The following GPC3 variants were observed in gnomAD, a reference collection of about 807,000 sequenced individuals.
The protein encoded by GPC3 is glypican 3.
Under a neutral mutation model 34.4 loss-of-function variants are expected in GPC3, and 3 were observed. That is an observed-to-expected ratio of 0.09 (90% confidence interval 0.04 to 0.23). GPC3 has a LOEUF of 0.23. GPC3 is among the 10% of genes least tolerant of loss of function. The pLI is 1.00. For synonymous variants in GPC3, 177 were observed against 174.0 expected, an observed-to-expected ratio of 1.02 and a Z score of -0.13; for missense variants, 351 against 445.6, an observed-to-expected ratio of 0.79 and a Z score of 1.91.
chrX:133,656,336 G>C (rs2070664139), intron 6 of GPC3, among the ~76,000 whole-genome samples: 2 of 112,059 alleles, frequency 1.8e-5, no homozygotes, highest in Non-Finnish European at 3.8e-5. Context: ...CTTCCTAATA[G>C]GTGTGCCATG....
At chrX:133,885,967 G>T (rs1451600574) in intron 2 of GPC3, among the ~76,000 whole-genome samples, 2 of 111,107 alleles carry the variant, frequency 1.8e-5, no homozygotes, top group East Asian at 5.6e-4. Flanking sequence ...AAAAGAACAG[G>T]AATTGTCTCC....
intron 6 of GPC3, among the ~76,000 whole-genome samples, chrX:133,644,863 C>T (rs1237087974): frequency 7.2e-5 from 8 of 110,896 alleles, no homozygotes; most frequent in Non-Finnish European, 1.5e-4. Flanking sequence ...TCACTGCAAC[C>T]TCCGCCTCCC....
At chrX:133,700,075 G>A (rs1473655787) in intron 3 of GPC3, 47 bp from the exon 4 acceptor site, 2 of 1,033,645 alleles carry the variant, frequency 1.9e-6, no homozygotes, top group Admixed American at 4.5e-5. Context: ...GTGCAGATAT[G>A]ATAGTAGAAA....
intron 2 of GPC3, among the ~76,000 whole-genome samples, chrX:133,794,217 C>G (rs1422518988): frequency 8.9e-6 from 1 of 111,932 alleles, no homozygotes; most frequent in Non-Finnish European, 1.9e-5. Flanking sequence ...CACCAGTAAG[C>G]AATGCTTGGT....
intron 3 of GPC3, among the ~76,000 whole-genome samples, chrX:133,728,766 T>C: frequency 8.9e-6 from 1 of 112,347 alleles, no homozygotes; most frequent in East Asian, 2.8e-4. Context: ...AAATATAACC[T>C]GAGTCTTGAA....
At chrX:133,609,654 T>C (rs115516959) in intron 6 of GPC3, among the ~76,000 whole-genome samples, 6,777 of 112,077 alleles carry the variant, frequency 0.06, 531 homozygotes, top group African/African-American at 0.21. Context: ...TTGATATTGG[T>C]GAAGATTCTC....
chrX:133,763,712 A>G (rs1004967778), intron 2 of GPC3: 2 of 503,527 alleles, frequency 4.0e-6, no homozygotes, highest in African/African-American at 4.7e-5. Context: ...CTTAAGCAAC[A>G]TGGAAATAAG....
chrX:133,674,445 T>C (rs1177136086), intron 5 of GPC3, among the ~76,000 whole-genome samples: 1 of 111,080 alleles, frequency 9.0e-6, no homozygotes, highest in Non-Finnish European at 1.9e-5. Flanking sequence ...ACTGGAACTT[T>C]CTTTGCCATC....
chrX:133,607,883 G>A (rs1434796208), intron 6 of GPC3, among the ~76,000 whole-genome samples: 1 of 112,481 alleles, frequency 8.9e-6, no homozygotes, highest in Non-Finnish European at 1.9e-5. Flanking sequence ...AAGGGATGTG[G>A]CCAAGCAAAG....
intron 6 of GPC3, among the ~76,000 whole-genome samples, chrX:133,651,991 T>C (rs1187242001): frequency 1.8e-5 from 2 of 112,149 alleles, no homozygotes; most frequent in African/African-American, 6.5e-5. Flanking sequence ...TAGTTCTGAG[T>C]AAGTCCACAG....
At chrX:133,679,338 A>T (rs1292604401) in intron 5 of GPC3, among the ~76,000 whole-genome samples, 1 of 111,537 alleles carries the variant, frequency 9.0e-6, no homozygotes. Flanking sequence ...TAGTAAATGG[A>T]GGGTAATTTA....
At chrX:133,831,323 T>C (rs1265695973) in intron 2 of GPC3, among the ~76,000 whole-genome samples, 1 of 112,610 alleles carries the variant, frequency 8.9e-6, no homozygotes, top group African/African-American at 3.2e-5. Context: ...TATATGGTTT[T>C]GTGAGATATT....
At chrX:133,540,955 T>TGTGTGC (rs1422253850) in intron 7 of GPC3, among the ~76,000 whole-genome samples, 27 of 97,919 alleles carry the variant, frequency 2.8e-4, no homozygotes, top group African/African-American at 9.9e-4. Flanking sequence ...TGTGTGTGTG[T>TGTGTGC]GCGCGCACTG....
intron 2 of GPC3, among the ~76,000 whole-genome samples, chrX:133,881,937 T>G (rs2076043305): frequency 8.9e-6 from 1 of 112,574 alleles, no homozygotes; most frequent in African/African-American, 3.2e-5. Context: ...CTGGAGATGC[T>G]TTAGAAAGGT....
chrX:133,754,471 T>C (rs1267247660), intron 2 of GPC3, among the ~76,000 whole-genome samples: 1 of 112,370 alleles, frequency 8.9e-6, no homozygotes, highest in African/African-American at 3.2e-5. Context: ...CATTTCGGCC[T>C]TTCATGAAAA....
chrX:133,657,299 C>G (rs2070672597), intron 6 of GPC3, among the ~76,000 whole-genome samples: 1 of 111,724 alleles, frequency 9.0e-6, no homozygotes, highest in South Asian at 3.8e-4. Context: ...AACAACAAAA[C>G]TAGGTTAGGG....
intron 2 of GPC3, among the ~76,000 whole-genome samples, chrX:133,809,347 G>C (rs2075652672): frequency 8.9e-6 from 1 of 111,740 alleles, no homozygotes; most frequent in African/African-American, 3.3e-5. Context: ...TAGACATCCA[G>C]GTTTATTTGG....
chrX:133,724,224 C>T (rs1376217194), intron 3 of GPC3, among the ~76,000 whole-genome samples: 1 of 112,086 alleles, frequency 8.9e-6, no homozygotes, highest in African/African-American at 3.2e-5. Context: ...AATGCGTTTG[C>T]TCGCAGTCTT....
intron 6 of GPC3, among the ~76,000 whole-genome samples, chrX:133,623,075 T>A (rs765501024): frequency 8.9e-6 from 1 of 111,737 alleles, no homozygotes; most frequent in African/African-American, 3.3e-5. Context: ...CATCAGTGAA[T>A]GAGAAATAAA....
Sources: gnomAD v4.1 joint callset for allele counts (sites outside exome capture counted in the v4.1 genomes callset) on GRCh38, gnomAD v4.1.1 for gene constraint, MANE v1.5 for transcripts, NCBI Gene and HGNC (gene_info 2026-07-23, HGNC 2026-07-21) for gene names.